The following CATSPERT variants were observed in gnomAD, a reference collection of about 807,000 sequenced individuals.
CATSPERT encodes the protein cation channel sperm-associated targeting subunit tau.
At chr2:201,609,551 T>C in the CATSPERT span, among the ~76,000 whole-genome samples, 1 of 152,138 alleles carries the variant, frequency 6.6e-6, no homozygotes, top group Non-Finnish European at 1.5e-5. Flanking sequence ...TTGGAAACTG[T>C]ACAAACACAG....
chr2:201,506,094 C>T, the CATSPERT span, among the ~76,000 whole-genome samples: 1 of 152,072 alleles, frequency 6.6e-6, no homozygotes, highest in Non-Finnish European at 1.5e-5. Flanking sequence ...GGTGAAACCC[C>T]GTCTCTACTA....
At chr2:201,501,395 CA>C in the CATSPERT span, among the ~76,000 whole-genome samples, 1,453 of 46,576 alleles carry the variant, frequency 0.031, 4 homozygotes, top group African/African-American at 0.068. Context: ...AACTCCATCT[CA>C]AAAAAAAAAA....
the CATSPERT span, among the ~76,000 whole-genome samples, chr2:201,594,239 G>A: frequency 6.6e-6 from 1 of 152,110 alleles, no homozygotes; most frequent in South Asian, 2.1e-4. Flanking sequence ...CACTTATGAA[G>A]CTTAGTTTGG....
the CATSPERT span, chr2:201,535,961 T>C: frequency 6.3e-7 from 1 of 1,597,528 alleles, no homozygotes; most frequent in Non-Finnish European, 8.5e-7. Context: ...AGCTAATTTC[T>C]GTTGGAGATG....
the CATSPERT span, among the ~76,000 whole-genome samples, chr2:201,514,251 A>G: frequency 6.6e-6 from 1 of 152,128 alleles, no homozygotes; most frequent in African/African-American, 2.4e-5. Flanking sequence ...AAAGCTACAG[A>G]CCTATATTTC....
chr2:201,534,816 A>G, the CATSPERT span: 1 of 876,352 alleles, frequency 1.1e-6, no homozygotes, highest in African/African-American at 1.8e-5. Context: ...ACAATATGAA[A>G]ACTGTTTAAA....
chr2:201,558,708 G>C, the CATSPERT span, among the ~76,000 whole-genome samples: 1 of 152,166 alleles, frequency 6.6e-6, no homozygotes, highest in African/African-American at 2.4e-5. Flanking sequence ...CCCTGGATTA[G>C]GAACGCAAGG....
chr2:201,579,394 C>G, the CATSPERT span, among the ~76,000 whole-genome samples: 2 of 152,010 alleles, frequency 1.3e-5, no homozygotes, highest in African/African-American at 4.8e-5. Flanking sequence ...GCAGGTGTCA[C>G]CATGCCTGGC....
the CATSPERT span, chr2:201,537,575 T>C: frequency 4.0e-6 from 4 of 1,004,428 alleles, no homozygotes; most frequent in Non-Finnish European, 5.7e-6. Context: ...TTTTTCTCAC[T>C]AAAAACAAAG....
At chr2:201,561,741 G>C in the CATSPERT span, among the ~76,000 whole-genome samples, 46 of 152,086 alleles carry the variant, frequency 3.0e-4, no homozygotes, top group African/African-American at 1.0e-3. Flanking sequence ...GGGCATGGTG[G>C]CACATGCCTG....
At chr2:201,580,797 A>T in the CATSPERT span, among the ~76,000 whole-genome samples, 1 of 152,350 alleles carries the variant, frequency 6.6e-6, no homozygotes, top group South Asian at 2.1e-4. Context: ...AGCTGCCGGA[A>T]AGTGAAAAGG....
chr2:201,538,031 A>G, the CATSPERT span, among the ~76,000 whole-genome samples: 1 of 152,010 alleles, frequency 6.6e-6, no homozygotes, highest in Non-Finnish European at 1.5e-5. Context: ...TAATGGTGGT[A>G]AGAACAATTC....
the CATSPERT span, among the ~76,000 whole-genome samples, chr2:201,552,618 T>C: frequency 6.6e-6 from 1 of 152,234 alleles, no homozygotes; most frequent in East Asian, 1.9e-4. Flanking sequence ...CAGTCAACAG[T>C]AGGCTATTAG....
the CATSPERT span, among the ~76,000 whole-genome samples, chr2:201,580,248 T>C: frequency 6.6e-6 from 1 of 152,254 alleles, no homozygotes; most frequent in African/African-American, 2.4e-5. Flanking sequence ...CAATTCATTA[T>C]GCTAAATTCG....
chr2:201,556,537 C>A, the CATSPERT span, among the ~76,000 whole-genome samples: 1 of 151,092 alleles, frequency 6.6e-6, no homozygotes, highest in Non-Finnish European at 1.5e-5. Flanking sequence ...AGATGCAACT[C>A]CAAAAAAGTA....
the CATSPERT span, among the ~76,000 whole-genome samples, chr2:201,533,818 C>T: frequency 6.6e-6 from 1 of 152,056 alleles, no homozygotes; most frequent in Non-Finnish European, 1.5e-5. Flanking sequence ...ATGGGACTTG[C>T]TGTAATTAAC....
the CATSPERT span, among the ~76,000 whole-genome samples, chr2:201,616,037 A>G: frequency 1.3e-5 from 2 of 152,194 alleles, no homozygotes; most frequent in Non-Finnish European, 2.9e-5. Flanking sequence ...TAGACCAATA[A>G]CAGGTTCTGA....
At chr2:201,549,060 T>C in the CATSPERT span, among the ~76,000 whole-genome samples, 1 of 152,060 alleles carries the variant, frequency 6.6e-6, no homozygotes, top group African/African-American at 2.4e-5. Context: ...TCTGTGAAGC[T>C]AGAAGAGTTT....
At chr2:201,547,669 A>T in the CATSPERT span, 1 of 846,964 alleles carries the variant, frequency 1.2e-6, no homozygotes, top group East Asian at 2.8e-5. Context: ...TACATATGGT[A>T]TGATTCACAG....
Sources: allele counts gnomAD v4.1 joint callset (sites outside exome capture counted in the v4.1 genomes callset), GRCh38; gene constraint gnomAD v4.1.1; transcripts MANE v1.5; gene names NCBI Gene and HGNC (gene_info 2026-07-23, HGNC 2026-07-21).